The following CAMTA1 variants were observed in gnomAD, a reference collection of about 807,000 sequenced individuals.
CAMTA1 encodes calmodulin-binding transcription activator 1.
Under a neutral mutation model 170.9 loss-of-function variants are expected in CAMTA1, and 27 were observed. The ratio of observed to expected loss-of-function variants is 0.16; its 90% CI spans 0.12 to 0.22. The LOEUF is 0.22. CAMTA1 is among the 10% of genes least tolerant of loss of function. CAMTA1 has a pLI of 1.00. For missense variants in CAMTA1, 1,619 were observed against 2,217.2 expected (o/e 0.73, Z 5.42); for synonymous variants, 833 against 891.5 (o/e 0.93, Z 1.17).
intron 3 of CAMTA1, among the ~76,000 whole-genome samples, chr1:6,845,788 G>T (rs959878609): frequency 1.3e-5 from 2 of 152,228 alleles, no homozygotes; most frequent in African/African-American, 4.8e-5. Context: ...TCTCCTGACA[G>T]GTCTGGGAAT....
chr1:7,579,564 T>TTTTTTTTTTTG, intron 6 of CAMTA1, among the ~76,000 whole-genome samples: 1 of 136,684 alleles, frequency 7.3e-6, no homozygotes, highest in African/African-American at 2.9e-5. Flanking sequence ...TTTTTTTTTT[T>TTTTTTTTTTTG]TTTTTTTTTT....
intron 11 of CAMTA1, among the ~76,000 whole-genome samples, chr1:7,715,232 A>T (rs969057564): frequency 2.6e-5 from 4 of 152,144 alleles, no homozygotes; most frequent in Admixed American, 2.6e-4. Flanking sequence ...CAGAGAACAG[A>T]CTAAGGAGCA....
chr1:7,703,066 C>T (rs1021738452), intron 11 of CAMTA1, among the ~76,000 whole-genome samples: 30 of 152,202 alleles, frequency 2.0e-4, no homozygotes, highest in African/African-American at 7.0e-4. Flanking sequence ...TCCCTGATGA[C>T]TACCCTTTCA....
At chr1:7,212,396 C>T (rs547826229) in intron 4 of CAMTA1, among the ~76,000 whole-genome samples, 40 of 152,320 alleles carry the variant, frequency 2.6e-4, no homozygotes, top group African/African-American at 9.4e-4. Flanking sequence ...TAACCACTCT[C>T]ATTATTATCT....
intron 3 of CAMTA1, among the ~76,000 whole-genome samples, chr1:7,090,641 G>A (rs1439176720): frequency 6.6e-6 from 1 of 152,150 alleles, no homozygotes; most frequent in Non-Finnish European, 1.5e-5. Flanking sequence ...TGATGTTGTT[G>A]TGTTTATAAA....
At chr1:7,498,007 G>A (rs753283296) in intron 6 of CAMTA1, among the ~76,000 whole-genome samples, 2 of 152,122 alleles carry the variant, frequency 1.3e-5, no homozygotes, top group Non-Finnish European at 2.9e-5. Context: ...GTCTCTCCTT[G>A]GCATGTTGGG....
intron 4 of CAMTA1, among the ~76,000 whole-genome samples, chr1:7,183,703 A>G (rs1307920873): frequency 6.6e-6 from 1 of 152,212 alleles, no homozygotes; most frequent in Admixed American, 6.5e-5. Context: ...ATACACTAGT[A>G]CATGACAAAG....
intron 6 of CAMTA1, among the ~76,000 whole-genome samples, chr1:7,504,420 T>G (rs2094065576): frequency 6.6e-6 from 1 of 152,248 alleles, no homozygotes; most frequent in Non-Finnish European, 1.5e-5. Context: ...CTTTGGTATC[T>G]GAGGACCCTG....
rs147242566 is a variant in CAMTA1 at position 7,735,406 on chromosome 1, C to T, written c.3067-938C>T. ...GTTGGAATGAGCCAAGATCGTGCCA[C>T]TGCACTCCAGCCTGGGTGACAGAGC... On this transcript the variant is annotated intron_variant, in intron 12 of 22. Coordinates refer to ENST00000303635, the MANE Select transcript of CAMTA1 (RefSeq NM_015215.4). Among the ~76,000 whole-genome samples, 1,145 of 149,672 alleles carry T rather than the reference C, an allele frequency of 7.7e-3. 9 individuals carry two copies. Among genetic ancestry groups the T allele is most frequent in the African/African-American group, 0.016 (632 of 40,588 alleles).
intron 4 of CAMTA1, among the ~76,000 whole-genome samples, chr1:7,120,231 G>A (rs1644563778): frequency 6.6e-6 from 1 of 152,200 alleles, no homozygotes; most frequent in Admixed American, 6.5e-5. Context: ...AGGAACCCAG[G>A]CCTGGCTTAG....
rs984931522 is a variant in CAMTA1, at chr1:7,748,459, A to G, written c.4689+678A>G. Among the ~76,000 whole-genome samples, 3 of 152,092 alleles carry G rather than the reference A, an allele frequency of 2.0e-5. No individual in the cohort carries two copies. Among genetic ancestry groups the G allele is most frequent in the African/African-American group, 7.2e-5 (3 of 41,414 alleles). On this transcript the variant is annotated intron_variant, in intron 19 of 22. Coordinates refer to ENST00000303635, the MANE Select transcript of CAMTA1 (RefSeq NM_015215.4). The surrounding 1 kb of genome is among the most constrained non-coding windows in gnomAD (Gnocchi z 4.7). ...TGTACCGCAAAAGGGTTTTTGTCCA[A>G]ATTTTTGATCTTTTAGTAATATTAC... is the stretch of plus-strand genomic sequence containing the variant.
rs1557757302 is a variant in CAMTA1 at position 7,463,496 on chromosome 1, G to A, written c.439-4334G>A. 6.6e-6 allele frequency among the ~76,000 whole-genome samples: 1 copy of A among 151,718 alleles called. No homozygotes were observed. The highest frequency in any genetic ancestry group is 1.5e-5 in the Non-Finnish European group (1 of 67,946). Reference sequence around the variant, plus strand: ...CAAGACAGCTGCAGAGATGGAGAGAGAGAGAAAGAAAGAGACTGAGAAAGA... The same window carrying A: ...CAAGACAGCTGCAGAGATGGAGAGAAAGAGAAAGAAAGAGACTGAGAAAGA... On this transcript the variant is annotated intron_variant, in intron 5 of 22. Coordinates refer to ENST00000303635, the MANE Select transcript of CAMTA1 (RefSeq NM_015215.4). The surrounding 1 kb of genome is among the most constrained non-coding windows in gnomAD (Gnocchi z 4.7).
intron 6 of CAMTA1, among the ~76,000 whole-genome samples, chr1:7,594,848 C>T (rs1045100292): frequency 1.3e-5 from 2 of 152,314 alleles, no homozygotes; most frequent in Admixed American, 6.5e-5. Context: ...TGAAGAGCTC[C>T]CCTCGGGTCA....
intron 5 of CAMTA1, among the ~76,000 whole-genome samples, chr1:7,449,522 C>T (rs1211326254): frequency 6.6e-6 from 1 of 152,102 alleles, no homozygotes; most frequent in Non-Finnish European, 1.5e-5. Flanking sequence ...ATAATCCCAG[C>T]ACTTTGGAAG....
At chr1:7,744,623 A>G (rs970415813) in intron 16 of CAMTA1, among the ~76,000 whole-genome samples, 3 of 152,222 alleles carry the variant, frequency 2.0e-5, no homozygotes, top group Admixed American at 1.3e-4. Flanking sequence ...GGGCCAGACT[A>G]TGACTTGGAG....
chr1:6,830,829 G>GT (rs1222964278), intron 3 of CAMTA1, among the ~76,000 whole-genome samples: 4 of 149,922 alleles, frequency 2.7e-5, no homozygotes, highest in Non-Finnish European at 4.5e-5. Context: ...GTTTTGTTTT[G>GT]TTTTTTTGAG....
At position 7,488,301 on chromosome 1, in the gene CAMTA1, T is replaced by C. The variant is rs1325838371; in HGVS notation, c.510+20400T>C. 2.0e-5 allele frequency among the ~76,000 whole-genome samples: 3 copies of C among 152,134 alleles called. No individual in the cohort carries two copies. In the East Asian group the frequency reaches 5.8e-4, roughly 29 times the overall value. ...CCAAGTGTGGGTGCTCCTGGTAGGA[T>C]GTGGGATGGAGGCCTGGAGTGGCCA... On this transcript the variant is annotated intron_variant, in intron 6 of 22. Transcript: ENST00000303635.
At chr1:7,284,405 T>C (rs1672052117) in intron 5 of CAMTA1, among the ~76,000 whole-genome samples, 3 of 151,994 alleles carry the variant, frequency 2.0e-5, no homozygotes, top group South Asian at 2.1e-4. Flanking sequence ...GGTTTCGCCA[T>C]GTTAGCCAGG....
intron 5 of CAMTA1, among the ~76,000 whole-genome samples, chr1:7,328,558 GT>G (rs919364952): frequency 3.3e-5 from 5 of 152,030 alleles, no homozygotes; most frequent in African/African-American, 1.2e-4. Flanking sequence ...CCACTGCCCT[GT>G]TTTTCTCTCC....
Sources: allele counts gnomAD v4.1 joint callset (sites outside exome capture counted in the v4.1 genomes callset), GRCh38; gene constraint gnomAD v4.1.1; non-coding constraint Gnocchi (gnomAD v3.1); transcripts MANE v1.5; gene names NCBI Gene and HGNC (gene_info 2026-07-23, HGNC 2026-07-21).